Variants in CD8B observed in about 807,000 individuals in gnomAD.
CD8B encodes CD8 subunit beta.
CD8B carries 6 observed loss-of-function variants against 24.2 expected under a neutral mutation model. That is an observed-to-expected ratio of 0.25 (90% CI 0.14 to 0.49). CD8B has a LOEUF of 0.49. Ranked by LOEUF, CD8B falls within the 20% of genes least tolerant of loss-of-function variation. The pLI is 0.98. For synonymous variants in CD8B, 84 were observed against 108.3 expected (o/e 0.78, Z 1.39); for missense variants, 196 against 271.3 (o/e 0.72, Z 1.95).
At chr2:86,830,383 G>A (rs7579919) in intron 5 of CD8B, among the ~76,000 whole-genome samples, 120,954 of 152,126 alleles carry the variant, frequency 0.8, 48,570 homozygotes, top group East Asian at 0.98. Flanking sequence ...CCTAGCCAAC[G>A]TGGCGAAACC....
downstream of CD8B, among the ~76,000 whole-genome samples, chr2:86,834,994 C>T (rs963599065): frequency 2.6e-5 from 4 of 151,528 alleles, no homozygotes; most frequent in Admixed American, 6.6e-5. Flanking sequence ...CCCACCAAAT[C>T]GCCTGCCACA....
Position 86,852,998 on chromosome 2 carries a change from C to T in CD8B, c.492G>A (p.Lys164=), listed in dbSNP as rs1343872067. 2 of 1,531,564 alleles carry T rather than the reference C, an allele frequency of 1.3e-6. No homozygotes were observed. Among genetic ancestry groups the T allele is most frequent in the Admixed American group, 2.1e-5 (1 of 47,282 alleles). The allele number at this position is 1,531,564 out of a possible 1,614,324, so 94.9% of individuals were successfully genotyped here. ...VCRLPRPETQ[K]GPLCSPITLG... is the part of the protein sequence containing the mutation. ...GGTGCAGAGGGATAGGGAACTCACC[C>T]TTCTGGGTCTCTGGCCTGGGTAACC... The change falls in exon 3 of 6, where the codon AAG becomes AAA. Residue 164 remains lysine, a splice_region_variant and synonymous_variant. Transcript: ENST00000390655.
At chr2:86,857,083 T>C (rs1019226840) in intron 2 of CD8B, among the ~76,000 whole-genome samples, 1 of 152,046 alleles carries the variant, frequency 6.6e-6, no homozygotes, top group Non-Finnish European at 1.5e-5. Context: ...AAGTGGGTCA[T>C]GGAGGCCATC....
At chr2:86,857,666 G>C (rs1182618292) in intron 2 of CD8B, among the ~76,000 whole-genome samples, 2 of 152,144 alleles carry the variant, frequency 1.3e-5, no homozygotes, top group Admixed American at 6.5e-5. Context: ...GCTGCAGTGA[G>C]CCAAGATCGC....
chr2:86,824,512 TTGAA>T (rs1207669274), intron 5 of CD8B, among the ~76,000 whole-genome samples: 12 of 152,296 alleles, frequency 7.9e-5, no homozygotes, highest in Non-Finnish European at 1.8e-4. Context: ...AAATCTGTGA[TTGAA>T]TGAATGAGCA....
At chr2:86,834,467 T>TACACACACACACACACACAC (rs59177290), downstream of CD8B, among the ~76,000 whole-genome samples, 726 of 146,758 alleles carry the variant, frequency 4.9e-3, 1 homozygote, top group African/African-American at 0.015. Context: ...TTTCTTCTCT[T>TACACACACACACACACACAC]ACACACACAC....
downstream of CD8B, among the ~76,000 whole-genome samples, chr2:86,834,818 C>G (rs1402794757): frequency 6.6e-6 from 1 of 151,854 alleles, no homozygotes; most frequent in Non-Finnish European, 1.5e-5. Context: ...CACCTGGAAT[C>G]CCAGCTACTT....
At chr2:86,853,147 A>G in intron 2 of CD8B, 61 bp from the exon 3 acceptor site, 1 of 1,548,842 alleles carries the variant, frequency 6.5e-7, no homozygotes, top group Non-Finnish European at 8.7e-7. Flanking sequence ...ACTCAAAGAC[A>G]AAACTTTGTC....
intron 5 of CD8B, among the ~76,000 whole-genome samples, chr2:86,820,462 A>G (rs1674421907): frequency 6.6e-6 from 1 of 152,248 alleles, no homozygotes; most frequent in South Asian, 2.1e-4. Context: ...ATCAGCAAAG[A>G]AATTATGACT....
intron 3 of CD8B, among the ~76,000 whole-genome samples, chr2:86,846,986 G>A (rs548487344): frequency 2.2e-5 from 3 of 138,392 alleles, no homozygotes; most frequent in Non-Finnish European, 3.1e-5. Flanking sequence ...CACCCAGGCC[G>A]GAGTGCAGTG....
At chr2:86,852,828 A>G (rs1676040932) in intron 3 of CD8B, among the ~76,000 whole-genome samples, 169 bp downstream of exon 3, 1 of 151,710 alleles carries the variant, frequency 6.6e-6, no homozygotes, top group Non-Finnish European at 1.5e-5. Flanking sequence ...CTCCCACGAG[A>G]CTGTGAGTTG....
chr2:86,852,784 T>C (rs1290948132), intron 3 of CD8B, among the ~76,000 whole-genome samples: 3 of 152,120 alleles, frequency 2.0e-5, no homozygotes, highest in African/African-American at 7.2e-5. Context: ...ATCTCCTCCA[T>C]TAAGCTTTGT....
At chr2:86,830,396 A>G (rs1166035069) in intron 5 of CD8B, among the ~76,000 whole-genome samples, 1 of 152,018 alleles carries the variant, frequency 6.6e-6, no homozygotes, top group Non-Finnish European at 1.5e-5. Context: ...GCGAAACCCT[A>G]TCTCTACTAA....
chr2:86,829,142 C>T (rs955114745), intron 5 of CD8B, among the ~76,000 whole-genome samples: 1 of 134,564 alleles, frequency 7.4e-6, no homozygotes, highest in Admixed American at 8.9e-5. Flanking sequence ...CTCTGTTGCC[C>T]AGGCTGGAGT....
chr2:86,826,682 A>G (rs1674700123), intron 5 of CD8B, among the ~76,000 whole-genome samples: 1 of 152,162 alleles, frequency 6.6e-6, no homozygotes, highest in Non-Finnish European at 1.5e-5. Flanking sequence ...AACAGGTTCA[A>G]GGTTATTCCT....
chr2:86,846,021 G>T lies in CD8B; in HGVS notation c.583+663C>A, dbSNP rs1229577710. ...AAGGGGCTTGCTCGAGGTGGCACAG[G>T]TGAGCAGAAGAACCGGGGTAGAGTC... On this transcript the variant is annotated intron_variant, in intron 4 of 5. Coordinates refer to ENST00000390655, the MANE Select transcript of CD8B (RefSeq NM_004931.5). Among the ~76,000 whole-genome samples the T allele has an allele frequency of 4.6e-5, 7 of 152,322 alleles. No homozygotes were observed. In the East Asian group the frequency reaches 1.4e-3, roughly 29 times the overall value.
chr2:86,834,173 A>G (rs941405640), downstream of CD8B, among the ~76,000 whole-genome samples: 6 of 152,002 alleles, frequency 3.9e-5, no homozygotes, highest in Non-Finnish European at 7.4e-5. Flanking sequence ...GACAGTCCCT[A>G]ATTCATATTA....
intron 4 of CD8B, among the ~76,000 whole-genome samples, chr2:86,845,470 TA>T (rs1307154278): frequency 6.6e-6 from 1 of 152,174 alleles, no homozygotes; most frequent in Non-Finnish European, 1.5e-5. Flanking sequence ...GATTTTCATT[TA>T]TTTTTTTAGG....
In CD8B at chr2:86,840,795, A is replaced by G. The variant is rs1203756060; in HGVS notation, c.*1512T>C. Reference sequence around the variant, plus strand: ...CCCTCCTTCCGGTAACACTGCATCTATGCCTTTCTAACTCCACCCACCACA... The same window carrying G: ...CCCTCCTTCCGGTAACACTGCATCTGTGCCTTTCTAACTCCACCCACCACA... On this transcript the variant is annotated 3_prime_UTR_variant, in exon 6 of 6. Coordinates refer to ENST00000390655, the MANE Select transcript of CD8B (RefSeq NM_004931.5). 6.6e-6 allele frequency among the ~76,000 whole-genome samples: 1 copy of G among 152,024 alleles called. No homozygotes were observed. Among genetic ancestry groups the G allele is most frequent in the African/African-American group, 2.4e-5 (1 of 41,378 alleles).
Sources: gnomAD v4.1 joint callset for allele counts (sites outside exome capture counted in the v4.1 genomes callset) on GRCh38, gnomAD v4.1.1 for gene constraint, MANE v1.5 for transcripts, NCBI Gene and HGNC (gene_info 2026-07-23, HGNC 2026-07-21) for gene names.